The following NME9 variants were observed in gnomAD, a reference collection of about 807,000 sequenced individuals.
NME9 encodes the protein NME/NM23 family member 9, also known as thioredoxin domain-containing protein 6.
In NME9, 48 loss-of-function variants were observed where a neutral mutation model predicts 44.4. The observed-to-expected ratio is 1.08, with a 90% confidence interval of 0.86 to 1.37. NME9 has a LOEUF of 1.37. Ranked by LOEUF, NME9 falls within the 40% of genes most tolerant of loss-of-function variation. NME9 has a pLI of 0.00. For missense variants in NME9, 325 were observed against 405.2 expected (o/e 0.80, Z 1.70); for synonymous variants, 139 against 147.1 (o/e 0.94, Z 0.40).
rs1185482356 is a variant in NME9, at chr3:138,303,646, G to A, written c.792-3C>T. On this transcript the variant is annotated splice_polypyrimidine_tract_variant and splice_region_variant and intron_variant, in intron 9 of 10. Coordinates refer to ENST00000333911, the MANE Select transcript of NME9 (RefSeq NM_001349018.2). Reference sequence around the variant, plus strand: ...CTGTGCCGTACTGAGCTCGGAGACTGGGAACATTGGCAAAATGTAAAAGAA... The same window carrying A: ...CTGTGCCGTACTGAGCTCGGAGACTAGGAACATTGGCAAAATGTAAAAGAA... 2 of 1,591,184 alleles carry A rather than the reference G, an allele frequency of 1.3e-6. No individual in the cohort carries two copies. Among genetic ancestry groups the A allele is most frequent in the East Asian group, 2.2e-5 (1 of 44,488 alleles).
chr3:138,283,828 G>T (rs1028350249), intron 8 of NME9, among the ~76,000 whole-genome samples: 1 of 152,134 alleles, frequency 6.6e-6, no homozygotes, highest in Admixed American at 6.5e-5. Flanking sequence ...GACCAGCCTG[G>T]ACTAAGTTGC....
At chr3:138,261,678 C>T (rs2047758100) in exon 9 of NME9, 1 of 152,240 alleles carries the variant, frequency 6.6e-6, no homozygotes, top group African/African-American at 2.4e-5. Flanking sequence ...AGTTTGGACA[C>T]TTAAACGTCT....
intron 8 of NME9, among the ~76,000 whole-genome samples, chr3:138,278,028 C>T (rs764428124): frequency 6.6e-6 from 1 of 152,092 alleles, no homozygotes; most frequent in Admixed American, 6.5e-5. Context: ...TATATGATCC[C>T]ATCTATATGA....
chr3:138,274,480 A>G (rs1401233928), intron 8 of NME9: 1 of 1,612,284 alleles, frequency 6.2e-7, no homozygotes, highest in Non-Finnish European at 8.5e-7. Context: ...ACTCATGGAA[A>G]GCAAATTATG....
Position 138,301,367 on chromosome 3 carries a change from C to A in NME9, c.*273G>T, listed in dbSNP as rs1299123189. 4 of 510,036 alleles carry A rather than the reference C, an allele frequency of 7.8e-6. No individual in the cohort carries two copies. The highest frequency in any genetic ancestry group is 2.0e-5 in the African/African-American group (1 of 50,294). The allele number at this position is 510,036 out of a possible 1,614,324, so 31.6% of individuals were successfully genotyped here. On this transcript the variant is annotated 3_prime_UTR_variant, in exon 11 of 11. Coordinates refer to ENST00000333911, the MANE Select transcript of NME9 (RefSeq NM_001349018.2). ...GACAGGTGCACACCACCACGCCCGG[C>A]TAATTTTTTGTATTTTTAGTAGAGA...
At chr3:138,321,240 G>A (rs2053444508) in intron 2 of NME9, among the ~76,000 whole-genome samples, 2 of 152,208 alleles carry the variant, frequency 1.3e-5, no homozygotes, top group Admixed American at 1.3e-4. Context: ...TACAGACTGG[G>A]CAGTTTATAA....
Position 138,304,963 on chromosome 3 carries a change from C to T in NME9, c.701G>A (p.Arg234Lys). 6.2e-7 allele frequency: 1 copy of T among 1,613,974 alleles called. No individual in the cohort carries two copies. Among genetic ancestry groups the T allele is most frequent in the African/African-American group, 1.3e-5 (1 of 75,028 alleles). The change falls in exon 9 of 11, where the codon AGG becomes AAG. Residue 234 changes from arginine (R) to lysine (K), a missense_variant. Physicochemically the swap from Arg to Lys is conservative, Grantham distance 26. Coordinates refer to ENST00000333911, the MANE Select transcript of NME9 (RefSeq NM_001349018.2). ...SGPSHLLILT[R>K]TEGFEDVVTT... ...GACCACGTCCTCGAAGCCCTCAGTCCTGGTGAGGATCAGGAGGTGGCTTGG... is the reference window on the plus strand; with the variant it reads ...GACCACGTCCTCGAAGCCCTCAGTCTTGGTGAGGATCAGGAGGTGGCTTGG...
At chr3:138,289,182 G>A (rs2050713949) in intron 8 of NME9, 1 of 1,309,298 alleles carries the variant, frequency 7.6e-7, no homozygotes, top group South Asian at 1.3e-5. Flanking sequence ...GCACAGGGAA[G>A]CTAGCAGGTG....
At chr3:138,286,195 G>A (rs1382720436) in intron 8 of NME9, among the ~76,000 whole-genome samples, 7 of 152,072 alleles carry the variant, frequency 4.6e-5, no homozygotes, top group African/African-American at 9.7e-5. Flanking sequence ...CACCTGTCTC[G>A]GCCTCCCAAA....
chr3:138,261,470 T>C (rs1162831258), exon 9 of NME9: 1 of 152,168 alleles, frequency 6.6e-6, no homozygotes, highest in African/African-American at 2.4e-5. Flanking sequence ...CCATGTCATA[T>C]TTATTAGGCA....
intron 8 of NME9, chr3:138,287,824 T>C: frequency 2.9e-6 from 1 of 347,466 alleles, no homozygotes; most frequent in South Asian, 2.3e-5. Flanking sequence ...ATTGATACTC[T>C]CTCAGATGTG....
chr3:138,268,098 C>T (rs2048445499), intron 8 of NME9, among the ~76,000 whole-genome samples: 1 of 151,970 alleles, frequency 6.6e-6, no homozygotes, highest in African/African-American at 2.4e-5. Context: ...CAAAAATTAG[C>T]CGGGGGTGGT....
At chr3:138,271,955 C>G (rs1007510610) in intron 8 of NME9, among the ~76,000 whole-genome samples, 5 of 152,114 alleles carry the variant, frequency 3.3e-5, no homozygotes, top group African/African-American at 1.2e-4. Context: ...GCCACCACAC[C>G]TGGCTATACA....
chr3:138,304,738 A>C (rs1031982997), intron 9 of NME9, 135 bp downstream of exon 9: 5 of 890,334 alleles, frequency 5.6e-6, no homozygotes, highest in East Asian at 2.5e-5. Flanking sequence ...GGTCTCCCCA[A>C]ATATATAATA....
intron 2 of NME9, among the ~76,000 whole-genome samples, chr3:138,320,432 G>C (rs1052822821): frequency 6.6e-6 from 1 of 152,248 alleles, no homozygotes; most frequent in African/African-American, 2.4e-5. Context: ...TCAACCGCCA[G>C]AGTAGTATAG....
At chr3:138,279,739 A>T (rs1560039712) in intron 8 of NME9, among the ~76,000 whole-genome samples, 1 of 152,132 alleles carries the variant, frequency 6.6e-6, no homozygotes, top group Non-Finnish European at 1.5e-5. Flanking sequence ...TACTCAGGTT[A>T]TCTGTTTCTT....
chr3:138,262,205 T>C, exon 9 of NME9: 1 of 196,596 alleles, frequency 5.1e-6, no homozygotes, highest in Non-Finnish European at 1.0e-5. Context: ...TATGAGGGAG[T>C]CACAAAGAGT....
chr3:138,266,413 A>G (rs886826658), intron 8 of NME9, among the ~76,000 whole-genome samples: 2 of 152,162 alleles, frequency 1.3e-5, no homozygotes, highest in Non-Finnish European at 2.9e-5. Flanking sequence ...TGTTGGGGCC[A>G]GATTTGACAT....
chr3:138,288,030 T>C (rs182159440), intron 8 of NME9: 11 of 161,124 alleles, frequency 6.8e-5, no homozygotes, highest in Non-Finnish European at 1.2e-4. Flanking sequence ...GGCTCATTAG[T>C]GATAGTAAAG....
Sources: allele counts gnomAD v4.1 joint callset (sites outside exome capture counted in the v4.1 genomes callset), GRCh38; gene constraint gnomAD v4.1.1; transcripts MANE v1.5; gene names NCBI Gene and HGNC (gene_info 2026-07-23, HGNC 2026-07-21).